NCAM2: variants seen among roughly 807,000 people sequenced by gnomAD.
NCAM2 encodes neural cell adhesion molecule 2.
NCAM2 carries 30 observed loss-of-function variants against 98.1 expected under a neutral mutation model. The ratio of observed to expected loss-of-function variants is 0.31; its 90% CI spans 0.23 to 0.41. The LOEUF is 0.41. Among genes scored for constraint, NCAM2 ranks in the 10% least tolerant of loss-of-function variants. The pLI, the probability that NCAM2 is intolerant of heterozygous loss-of-function variation, is 1.00. For synonymous variants in NCAM2, 368 were observed against 342.4 expected (o/e 1.07, Z -0.83); for missense variants, 867 against 1,005.8 (o/e 0.86, Z 1.87).
intron 12 of NCAM2, among the ~76,000 whole-genome samples, chr21:21,459,247 G>A (rs1015119401): frequency 6.6e-6 from 1 of 151,892 alleles, no homozygotes; most frequent in Non-Finnish European, 1.5e-5. Context: ...CTTGTACACT[G>A]TTAGGGAAAA....
Position 21,104,660 on chromosome 21 carries a change from A to T in NCAM2, c.55+106042A>T, listed in dbSNP as rs1049974458. Among the ~76,000 whole-genome samples, 5 of 152,266 alleles carry T rather than the reference A, an allele frequency of 3.3e-5. No individual in the cohort carries two copies. The East Asian group carries it at 5.8e-4, about 18-fold the overall frequency. On this transcript the variant is annotated intron_variant, in intron 1 of 17. Coordinates refer to ENST00000400546, the MANE Select transcript of NCAM2 (RefSeq NM_004540.5). ...AAGAATGAGCTTGGAATATGCAAGAAATAGAAAGAAGGGCCTGTCGGTGGG... is the reference window on the plus strand; with the variant it reads ...AAGAATGAGCTTGGAATATGCAAGATATAGAAAGAAGGGCCTGTCGGTGGG...
chr21:21,381,238 A>G (rs1165630935), intron 9 of NCAM2, among the ~76,000 whole-genome samples: 1 of 152,174 alleles, frequency 6.6e-6, no homozygotes, highest in South Asian at 2.1e-4. Context: ...TGTAAAGACC[A>G]TCCTCATCTC....
intron 1 of NCAM2, among the ~76,000 whole-genome samples, chr21:21,084,915 T>G (rs577781745): frequency 6.6e-6 from 1 of 152,266 alleles, no homozygotes; most frequent in Non-Finnish European, 1.5e-5. Flanking sequence ...TAAATAAATA[T>G]AAATACAATG....
chr21:21,449,683 T>C (rs1980733814), intron 12 of NCAM2, among the ~76,000 whole-genome samples: 1 of 152,002 alleles, frequency 6.6e-6, no homozygotes, highest in East Asian at 1.9e-4. Flanking sequence ...TCTATTATAG[T>C]ATATAAATGT....
chr21:21,473,162 C>T (rs896298466), intron 14 of NCAM2, among the ~76,000 whole-genome samples: 10 of 151,102 alleles, frequency 6.6e-5, no homozygotes, highest in Non-Finnish European at 1.2e-4. Context: ...GACTTTTGTG[C>T]CTCTACCCAG....
chr21:21,398,105 A>T (rs2076553082), intron 9 of NCAM2, among the ~76,000 whole-genome samples: 1 of 152,232 alleles, frequency 6.6e-6, no homozygotes, highest in Non-Finnish European at 1.5e-5. Flanking sequence ...AAATAATGGC[A>T]TTTGTAGCAG....
Position 21,335,482 on chromosome 21 carries a change from T to C in NCAM2, c.738-23T>C, listed in dbSNP as rs1233464932. On this transcript the variant is annotated intron_variant, in intron 6 of 17. Transcript: ENST00000400546. ...AATTATAAAGCCAGATCTGTGAGGA[T>C]GAACCTCTTTTTTCTTCTTTAGGAA... 6.4e-6 allele frequency: 10 copies of C among 1,572,556 alleles called. 1 individual carries two copies. The highest frequency in any genetic ancestry group is 1.7e-4 in the Middle Eastern group (1 of 5,866).
chr21:21,049,013 A>ATTTTTTTT (rs61325994), intron 1 of NCAM2, among the ~76,000 whole-genome samples: 10 of 133,472 alleles, frequency 7.5e-5, no homozygotes, highest in African/African-American at 2.5e-4. Context: ...TTTACTATTA[A>ATTTTTTTT]TTTTTTTTTT....
chr21:21,355,226 G>A (rs2075438557), intron 8 of NCAM2, among the ~76,000 whole-genome samples: 1 of 151,930 alleles, frequency 6.6e-6, no homozygotes. Context: ...ATGAGGCCAG[G>A]AGTTCAAGCC....
chr21:21,287,232 C>T (rs890476473), intron 4 of NCAM2, among the ~76,000 whole-genome samples: 1 of 151,790 alleles, frequency 6.6e-6, no homozygotes, highest in African/African-American at 2.4e-5. Flanking sequence ...TTTCCATCTT[C>T]GATGATTCTG....
intron 1 of NCAM2, among the ~76,000 whole-genome samples, chr21:21,153,657 C>T (rs1389940747): frequency 3.3e-5 from 5 of 151,486 alleles, no homozygotes; most frequent in Admixed American, 2.0e-4. Flanking sequence ...TGGGGGGTAC[C>T]GTGCGAACAA....
At chr21:21,318,325 A>G (rs1452025977) in intron 5 of NCAM2, among the ~76,000 whole-genome samples, 4 of 152,164 alleles carry the variant, frequency 2.6e-5, no homozygotes, top group Non-Finnish European at 5.9e-5. Flanking sequence ...CATATTAACT[A>G]TGGCCTTTTA....
At chr21:21,037,227 A>G (rs1052270209) in intron 1 of NCAM2, among the ~76,000 whole-genome samples, 4 of 152,078 alleles carry the variant, frequency 2.6e-5, no homozygotes, top group African/African-American at 7.2e-5. Flanking sequence ...GGTTTTCCCC[A>G]TGTTGCTGAG....
intron 9 of NCAM2, among the ~76,000 whole-genome samples, chr21:21,409,501 C>G (rs2076813398): frequency 6.6e-6 from 1 of 152,050 alleles, no homozygotes; most frequent in Admixed American, 6.6e-5. Flanking sequence ...AGATTTCATA[C>G]CTGAGTCTTC....
At chr21:21,293,559 C>A (rs1280751308) in intron 5 of NCAM2, among the ~76,000 whole-genome samples, 1 of 151,714 alleles carries the variant, frequency 6.6e-6, no homozygotes, top group Non-Finnish European at 1.5e-5. Context: ...AGTACAGAGT[C>A]CGATATTTAT....
intron 8 of NCAM2, among the ~76,000 whole-genome samples, chr21:21,345,022 T>G (rs962708231): frequency 2.0e-5 from 3 of 152,180 alleles, no homozygotes; most frequent in Non-Finnish European, 4.4e-5. Context: ...TGTCCAAGAC[T>G]ATCAAGGCAT....
At chr21:21,105,255 G>T (rs983466292) in intron 1 of NCAM2, among the ~76,000 whole-genome samples, 1 of 152,110 alleles carries the variant, frequency 6.6e-6, no homozygotes, top group African/African-American at 2.4e-5. Flanking sequence ...TTTGAATGCT[G>T]TTTAAATTAA....
intron 1 of NCAM2, among the ~76,000 whole-genome samples, chr21:21,059,038 A>C (rs2065270156): frequency 6.6e-6 from 1 of 152,120 alleles, no homozygotes; most frequent in South Asian, 2.1e-4. Flanking sequence ...AATATGAAAT[A>C]GACATTTTTC....
chr21:21,197,066 C>T (rs891217611), intron 1 of NCAM2, among the ~76,000 whole-genome samples: 1 of 152,174 alleles, frequency 6.6e-6, no homozygotes, highest in Non-Finnish European at 1.5e-5. Context: ...AACCACTATG[C>T]TTCCCATAGG....
Sources: allele counts gnomAD v4.1 joint callset (sites outside exome capture counted in the v4.1 genomes callset), GRCh38; gene constraint gnomAD v4.1.1; transcripts MANE v1.5; gene names NCBI Gene and HGNC (gene_info 2026-07-23, HGNC 2026-07-21).